Variants in EPS8 observed in about 807,000 individuals in gnomAD.
EPS8 encodes the protein EGFR pathway substrate 8, signaling adaptor, also known as epidermal growth factor receptor kinase substrate 8.
Under a neutral mutation model 103.8 loss-of-function variants are expected in EPS8, and 42 were observed. The observed-to-expected ratio is 0.40, with a 90% CI of 0.32 to 0.52. The LOEUF (loss-of-function observed/expected upper bound fraction) is 0.52, where lower values mean the gene tolerates loss of function less well. Ranked by LOEUF, EPS8 falls within the 20% of genes least tolerant of loss-of-function variation. The pLI, the probability that EPS8 is intolerant of heterozygous loss-of-function variation, is 0.40. For synonymous variants in EPS8, 344 were observed against 344.6 expected, an observed-to-expected ratio of 1.00 and a Z score of 0.02; for missense variants, 969 against 1,005.1, an observed-to-expected ratio of 0.96 and a Z score of 0.49.
At chr12:15,746,889 T>C (rs1946881355) in intron 1 of EPS8, among the ~76,000 whole-genome samples, 1 of 152,142 alleles carries the variant, frequency 6.6e-6, no homozygotes, top group Admixed American at 6.5e-5. Context: ...TGCTCCTGAA[T>C]TATGTTAGTT....
chr12:15,750,498 T>C (rs1484039938), intron 1 of EPS8, among the ~76,000 whole-genome samples: 2 of 152,192 alleles, frequency 1.3e-5, no homozygotes, highest in Admixed American at 6.5e-5. Context: ...TTGAAAAGTA[T>C]ACATCTTTAT....
In EPS8 at chr12:15,728,903, T is replaced by A. The variant is rs563407807; in HGVS notation, c.-21-45931A>T. Reference sequence around the variant, plus strand: ...CTAGCAGAAAATATTTGTAAATCCATCTTTTTTAAAAACATTTCTTGTAAG... The same window carrying A: ...CTAGCAGAAAATATTTGTAAATCCAACTTTTTTAAAAACATTTCTTGTAAG... On this transcript the variant is annotated intron_variant, in intron 1 of 20. Transcript: ENST00000281172. The surrounding 1 kb of genome is among the most constrained non-coding windows in gnomAD (Gnocchi z 4.5). 1.4e-4 allele frequency among the ~76,000 whole-genome samples: 22 copies of A among 152,218 alleles called. No individual in the cohort carries two copies. Among genetic ancestry groups the A allele is most frequent in the Non-Finnish European group, 2.5e-4 (17 of 68,014 alleles).
At chr12:15,662,243 C>T (rs1945618879) in intron 8 of EPS8, 144 bp from the exon 9 acceptor site, 2 of 1,479,490 alleles carry the variant, frequency 1.4e-6, no homozygotes, top group South Asian at 2.8e-5. Flanking sequence ...AAACTGTGCT[C>T]ATCAGCCATG....
In EPS8 at chr12:15,697,138, C is replaced by A. The variant is rs1946253998; in HGVS notation, c.-21-14166G>T. On this transcript the variant is annotated intron_variant, in intron 1 of 20. Transcript: ENST00000281172. This position sits in a 1 kb window ranked among gnomAD's most constrained non-coding sequence, Gnocchi z 5.6. ...GAAGGGAAAACTTGAGGGACAAGCA[C>A]AAACTGATTTGGGAAAATGGCCTAT... Among the ~76,000 whole-genome samples the A allele has an allele frequency of 6.6e-6, 1 of 151,990 alleles. No individual in the cohort carries two copies. The highest frequency in any genetic ancestry group is 1.5e-5 in the Non-Finnish European group (1 of 67,994).
intron 1 of EPS8, among the ~76,000 whole-genome samples, chr12:15,708,058 T>C (rs745597891): frequency 3.3e-5 from 5 of 152,220 alleles, no homozygotes; most frequent in Non-Finnish European, 5.9e-5. Context: ...TCATCTATCA[T>C]AGGGATCGAA....
At chr12:15,689,196 A>C (rs535485502) in intron 1 of EPS8, among the ~76,000 whole-genome samples, 1 of 152,276 alleles carries the variant, frequency 6.6e-6, no homozygotes, top group Admixed American at 6.5e-5. Flanking sequence ...TGCTTGCCAA[A>C]AGTTTTCAGT....
rs1182798045 is a variant in EPS8 at position 15,658,560 on chromosome 12, T to C, written c.963A>G (p.Lys321=). ...CAAGAAATTCATCAGGAGGTGGAGGTTTTGCCCGCAGCGTTAAAACACCCT... is the reference window on the plus strand; with the variant it reads ...CAAGAAATTCATCAGGAGGTGGAGGCTTTGCCCGCAGCGTTAAAACACCCT... ...PGEGVLTLRA[K]PPPPDEFLDC... Residue 321 remains lysine (K), a synonymous_variant, in exon 11 of 21, where the codon AAA becomes AAG. Coordinates refer to ENST00000281172, the MANE Select transcript of EPS8 (RefSeq NM_004447.6). 1.2e-6 allele frequency: 2 copies of C among 1,612,310 alleles called. No homozygotes were observed.
chr12:15,711,325 A>G (rs1285866620), intron 1 of EPS8, among the ~76,000 whole-genome samples: 1 of 152,168 alleles, frequency 6.6e-6, no homozygotes, highest in Non-Finnish European at 1.5e-5. Context: ...AGACTTCTCT[A>G]TACAATTTAT....
At position 15,759,652 on chromosome 12, in the gene EPS8, A is replaced by G. The variant is rs1448032363; in HGVS notation, c.-22+29509T>C. 6.6e-6 allele frequency among the ~76,000 whole-genome samples: 1 copy of G among 152,118 alleles called. No individual in the cohort carries two copies. Among genetic ancestry groups the G allele is most frequent in the Non-Finnish European group, 1.5e-5 (1 of 67,970 alleles). On this transcript the variant is annotated intron_variant, in intron 1 of 20. Transcript: ENST00000281172. The surrounding 1 kb of genome is among the most constrained non-coding windows in gnomAD (Gnocchi z 4.9). ...CACAAAGGAATAAAACTAGAAATCA[A>G]TAACAAGAGAAATTTTGGAAAATAT...
Position 15,621,142 on chromosome 12 carries a change from T to TA in EPS8, c.*174dup, listed in dbSNP as rs1304266711. 2.3e-6 allele frequency: 1 copy of TA among 436,038 alleles called. No individual in the cohort carries two copies. The allele number at this position is 436,038 out of a possible 1,614,324, so 27.0% of individuals were successfully genotyped here. ...TCAGTTTAAATTTTTTCAGTTTTAA[T>TA]AAAAATAATGGGCCTAGAAGCAAAT... On this transcript the variant is annotated 3_prime_UTR_variant, in exon 21 of 21. Transcript: ENST00000281172.
chr12:15,662,050 CA>C lies in EPS8; in HGVS notation c.785del (p.Met262ArgfsTer12). The C allele has an allele frequency of 1.2e-6, 2 of 1,613,910 alleles. No homozygotes were observed. The highest frequency in any genetic ancestry group is 1.7e-6 in the Non-Finnish European group (2 of 1,179,784). Reference sequence around the variant, plus strand: ...CCACATCTCTGTCAATGCGGGCTGCCATCATCTCAGGTGTTTCTTCCTGCTC... The same window carrying C: ...CCACATCTCTGTCAATGCGGGCTGCCTCATCTCAGGTGTTTCTTCCTGCTC... ...YHEQEETPEM[M>X]AARIDRDVQI... On this transcript the variant is annotated frameshift_variant, in exon 9 of 21. Coordinates refer to ENST00000281172, the MANE Select transcript of EPS8 (RefSeq NM_004447.6). LOFTEE classifies it high-confidence loss of function.
rs200401778 is a variant in EPS8 at position 15,647,221 on chromosome 12, C to T, written c.1474G>A (p.Ala492Thr). Residue 492 changes from alanine (A) to threonine (T), a missense_variant, in exon 15 of 21, where the codon GCG (alanine) becomes ACG (threonine). By Grantham distance (58) the Ala-to-Thr change is moderately conservative. Coordinates refer to ENST00000281172, the MANE Select transcript of EPS8 (RefSeq NM_004447.6). The part of the protein sequence containing the change: ...VSEYHPADGY[A>T]FSSNIYTRGS... ...CTTGTGTAAATGTTGCTACTGAACG[C>T]ATAGCCATCGGCTGGATGATACTCT... is the stretch of plus-strand genomic sequence containing the variant. The T allele has an allele frequency of 4.3e-6, 7 of 1,613,664 alleles. No individual in the cohort carries two copies. Among genetic ancestry groups the T allele is most frequent in the Admixed American group, 3.3e-5 (2 of 59,966 alleles).
Position 15,725,597 on chromosome 12 carries a change from G to A in EPS8, c.-21-42625C>T, listed in dbSNP as rs1286213087. On this transcript the variant is annotated intron_variant, in intron 1 of 20. Coordinates refer to ENST00000281172, the MANE Select transcript of EPS8 (RefSeq NM_004447.6). The surrounding 1 kb of genome is among the most constrained non-coding windows in gnomAD (Gnocchi z 4.5). ...CTTATGAAAAATTCTAAAATACGGT[G>A]ACACAATGGGTCTTCATCATATGGT... 1.3e-5 allele frequency among the ~76,000 whole-genome samples: 2 copies of A among 151,960 alleles called. No individual in the cohort carries two copies. Among genetic ancestry groups the A allele is most frequent in the African/African-American group, 4.8e-5 (2 of 41,354 alleles).
chr12:15,729,791 T>G (rs976208944), intron 1 of EPS8, among the ~76,000 whole-genome samples: 1 of 152,194 alleles, frequency 6.6e-6, no homozygotes, highest in Non-Finnish European at 1.5e-5. Context: ...AATGCGTGTA[T>G]GATTTCAATC....
rs1944855606 is a variant in EPS8 at position 15,621,192 on chromosome 12, G to GA, written c.*124_*125insT. 7.8e-6 allele frequency: 3 copies of GA among 385,256 alleles called. No homozygotes were observed. Among genetic ancestry groups the GA allele is most frequent in the East Asian group, 4.2e-5 (1 of 23,656 alleles). 23.9% of individuals were successfully genotyped at this position (385,256 alleles called of 1,614,324 possible). On this transcript the variant is annotated 3_prime_UTR_variant, in exon 21 of 21. Coordinates refer to ENST00000281172, the MANE Select transcript of EPS8 (RefSeq NM_004447.6). ...TCCTGTGCTCACTCAGGTTTGCATG[G>GA]GTTTTTTTTTATGGTGATAAATTAC... is the stretch of plus-strand genomic sequence containing the variant.
At chr12:15,754,432 A>G (rs1946964572) in intron 1 of EPS8, among the ~76,000 whole-genome samples, 1 of 152,158 alleles carries the variant, frequency 6.6e-6, no homozygotes, top group Admixed American at 6.5e-5. Context: ...AGGGGGAAAA[A>G]CAAGAAGGAT....
At chr12:15,744,458 C>T (rs1253961327) in intron 1 of EPS8, among the ~76,000 whole-genome samples, 1 of 152,120 alleles carries the variant, frequency 6.6e-6, no homozygotes, top group Non-Finnish European at 1.5e-5. Context: ...ATAACAATAC[C>T]TAATATTTGA....
chr12:15,621,884 C>A (rs1944867620), intron 20 of EPS8, among the ~76,000 whole-genome samples: 1 of 152,130 alleles, frequency 6.6e-6, no homozygotes, highest in African/African-American at 2.4e-5. Flanking sequence ...TCCGACCATG[C>A]TGGCTTTTCT....
chr12:15,680,946 A>G (rs1945994536), intron 3 of EPS8, among the ~76,000 whole-genome samples: 1 of 152,164 alleles, frequency 6.6e-6, no homozygotes, highest in Non-Finnish European at 1.5e-5. Flanking sequence ...TATTACAAGT[A>G]GTAAATGGGA....
Sources: allele counts gnomAD v4.1 joint callset (sites outside exome capture counted in the v4.1 genomes callset), GRCh38; gene constraint gnomAD v4.1.1; non-coding constraint Gnocchi (gnomAD v3.1); transcripts MANE v1.5; gene names NCBI Gene and HGNC (gene_info 2026-07-23, HGNC 2026-07-21).